The following GNAT2 variants were observed in gnomAD, a reference collection of about 807,000 sequenced individuals.
The protein encoded by GNAT2 is G protein subunit alpha transducin 2, also known as guanine nucleotide-binding protein G(t) subunit alpha-2.
GNAT2 carries 32 observed loss-of-function variants against 40.9 expected under a neutral mutation model. The ratio of observed to expected loss-of-function variants is 0.78; its 90% confidence interval spans 0.59 to 1.05. The LOEUF is 1.05. Among genes scored for constraint, GNAT2 ranks in the 50% least tolerant of loss-of-function variants. GNAT2 has a pLI of 0.00. For missense variants in GNAT2, 355 were observed against 431.5 expected, an observed-to-expected ratio of 0.82 and a Z score of 1.57; for synonymous variants, 141 against 157.2, an observed-to-expected ratio of 0.90 and a Z score of 0.77.
chr1:109,604,396 C>A (rs912071387), intron 7 of GNAT2: 4 of 421,984 alleles, frequency 9.5e-6, no homozygotes, highest in Non-Finnish European at 1.8e-5. Flanking sequence ...GTATATTGTC[C>A]ATGATAGTGG....
In GNAT2 at chr1:109,606,803, T is replaced by A. The variant is rs1215698996; in HGVS notation, c.462-367A>T. 4 of 301,232 alleles carry A rather than the reference T, an allele frequency of 1.3e-5. No individual in the cohort carries two copies. The Admixed American group carries it at 1.4e-4, about 11-fold the overall frequency. 18.7% of individuals were successfully genotyped at this position (301,232 alleles called of 1,614,324 possible). Reference sequence around the variant, plus strand: ...AAGAGACTTTAAAGACATGAACCAATGCAACACATGGACTTTGTTTATATC... The same window carrying A: ...AAGAGACTTTAAAGACATGAACCAAAGCAACACATGGACTTTGTTTATATC... On this transcript the variant is annotated intron_variant, in intron 5 of 8. Coordinates refer to ENST00000679935, the MANE Select transcript of GNAT2 (RefSeq NM_001377295.2).
intron 2 of GNAT2, 169 bp downstream of exon 2, chr1:109,612,584 C>T: frequency 1.5e-6 from 1 of 676,986 alleles, no homozygotes. Flanking sequence ...TGTTTAGGCC[C>T]CATATTAACT....
At chr1:109,612,507 C>CCTCAAGAG (rs2101130362) in intron 2 of GNAT2, 1 of 507,578 alleles carries the variant, frequency 2.0e-6, no homozygotes, top group African/African-American at 1.9e-5. Flanking sequence ...GGCCCTTGCA[C>CCTCAAGAG]TATTCCTCGC....
chr1:109,618,480 T>G (rs1650020419), intron 1 of GNAT2, among the ~76,000 whole-genome samples: 1 of 152,240 alleles, frequency 6.6e-6, no homozygotes, highest in African/African-American at 2.4e-5. Context: ...GAAAAACAAC[T>G]TCCAGAAAGT....
intron 2 of GNAT2, chr1:109,612,370 C>T: frequency 3.0e-6 from 1 of 330,900 alleles, no homozygotes; most frequent in Non-Finnish European, 5.9e-6. Context: ...GAGGGAAGGT[C>T]CTGTTCTCTT....
chr1:109,610,259 A>G, intron 3 of GNAT2, 78 bp from the exon 4 acceptor site: 1 of 1,474,788 alleles, frequency 6.8e-7, no homozygotes, highest in Non-Finnish European at 9.5e-7. Flanking sequence ...GGGGTATTTA[A>G]AGGATCATAA....
intron 7 of GNAT2, chr1:109,604,435 CAGAT>C: frequency 3.1e-6 from 1 of 320,326 alleles, no homozygotes; most frequent in Non-Finnish European, 6.0e-6. Context: ...ATGTGTTATG[CAGAT>C]CTTTAGCAGC....
At chr1:109,609,005 T>C in intron 4 of GNAT2, 1 of 592,938 alleles carries the variant, frequency 1.7e-6, no homozygotes, top group South Asian at 1.9e-5. Context: ...CTGGGGTGTG[T>C]CTAAAGCGGG....
chr1:109,608,478 C>G, intron 5 of GNAT2, 153 bp downstream of exon 5: 1 of 748,970 alleles, frequency 1.3e-6, no homozygotes, highest in Non-Finnish European at 2.4e-6. Flanking sequence ...ATTGCTGAAG[C>G]CTAACAAAAC....
In GNAT2 at chr1:109,612,815, A is replaced by G. The variant is rs1439939686; in HGVS notation, c.56T>C (p.Leu19Pro). Reference sequence around the variant, plus strand: ...AGCATCCTCCTGCAGCTTCTTTTCTAGCTCCTTGGACCTCTTGGCCAGTTC... The same window carrying G: ...AGCATCCTCCTGCAGCTTCTTTTCTGGCTCCTTGGACCTCTTGGCCAGTTC... Reference protein sequence around the residue: ...DKELAKRSKELEKKLQEDADK... With the variant: ...DKELAKRSKEPEKKLQEDADK... The change falls in exon 2 of 9, where the codon CTA becomes CCA. Residue 19 changes from leucine (L) to proline (P), a missense_variant. By Grantham distance (98) the Leu-to-Pro change is moderately conservative. Coordinates refer to ENST00000679935, the MANE Select transcript of GNAT2 (RefSeq NM_001377295.2). The G allele has an allele frequency of 1.2e-6, 2 of 1,613,574 alleles. No homozygotes were observed. Among genetic ancestry groups the G allele is most frequent in the Non-Finnish European group, 1.7e-6 (2 of 1,179,620 alleles).
At chr1:109,613,586 C>T (rs1430391176) in intron 1 of GNAT2, 1 of 153,402 alleles carries the variant, frequency 6.5e-6, no homozygotes, top group South Asian at 2.0e-4. Flanking sequence ...TCATATTGTA[C>T]GTCGTTTTAC....
rs1320157405 is a variant in GNAT2 at position 109,610,446 on chromosome 1, G to A, written c.161+19C>T. Reference sequence around the variant, plus strand: ...CTTCTTCACCCTATCTTGTCTTTTGGGGCTTTGTTTCTACTCACTTCATCT... The same window carrying A: ...CTTCTTCACCCTATCTTGTCTTTTGAGGCTTTGTTTCTACTCACTTCATCT... On this transcript the variant is annotated intron_variant, in intron 3 of 8. Transcript: ENST00000679935. The A allele has an allele frequency of 3.7e-6, 6 of 1,611,240 alleles. No individual in the cohort carries two copies.
chr1:109,610,575 G>A (rs1323914103), intron 2 of GNAT2, 68 bp from the exon 3 acceptor site: 1 of 1,366,790 alleles, frequency 7.3e-7, no homozygotes, highest in Non-Finnish European at 1.0e-6. Context: ...AGATGGCCTG[G>A]GAGAAGTCAG....
chr1:109,604,103 T>G lies in GNAT2; in HGVS notation c.722A>C (p.Asn241Thr). 1 of 1,608,554 alleles carries G rather than the reference T, an allele frequency of 6.2e-7. No individual in the cohort carries two copies. Among genetic ancestry groups the G allele is most frequent in the Non-Finnish European group, 8.5e-7 (1 of 1,175,358 alleles). The change falls in exon 8 of 9, where the codon AAT (asparagine) becomes ACT (threonine). Residue 241 changes from asparagine (N) to threonine (T), a missense_variant and splice_region_variant. By Grantham distance (65) the Asn-to-Thr change is moderately conservative. Transcript: ENST00000679935. ...DMVLVEDDEVNRMHESLHLFN... is the reference protein window; with the variant it reads ...DMVLVEDDEVTRMHESLHLFN... The stretch of plus-strand genomic sequence containing the variant: ...CAGATGCAAAGACTCATGCATACGA[T>G]TCTAGTAAGAGGAAACACCATTGGA...
chr1:109,618,664 G>A (rs1029825903), intron 1 of GNAT2, among the ~76,000 whole-genome samples: 4 of 152,116 alleles, frequency 2.6e-5, no homozygotes, highest in South Asian at 2.1e-4. Context: ...CTGCATTAGC[G>A]TTTATTTTTT....
At chr1:109,606,495 A>C in intron 5 of GNAT2, 59 bp from the exon 6 acceptor site, 1 of 1,432,394 alleles carries the variant, frequency 7.0e-7, no homozygotes, top group Admixed American at 1.7e-5. Flanking sequence ...TAAGAGACGT[A>C]AAAGGTATCT....
chr1:109,605,776 C>G, intron 7 of GNAT2, 194 bp downstream of exon 7: 1 of 564,824 alleles, frequency 1.8e-6, no homozygotes. Flanking sequence ...AAATTTGGAG[C>G]TCTAAAATGC....
chr1:109,606,588 C>A, intron 5 of GNAT2, 152 bp from the exon 6 acceptor site: 1 of 678,926 alleles, frequency 1.5e-6, no homozygotes, highest in South Asian at 1.6e-5. Flanking sequence ...TTCCTTCAAA[C>A]CTTCATATGT....
intron 5 of GNAT2, chr1:109,606,805 C>G (rs1452606265): frequency 1.7e-5 from 5 of 299,028 alleles, no homozygotes; most frequent in Non-Finnish European, 2.6e-5. Context: ...TGAACCAATG[C>G]AACACATGGA....
Sources: gnomAD v4.1 joint callset for allele counts (sites outside exome capture counted in the v4.1 genomes callset) on GRCh38, gnomAD v4.1.1 for gene constraint, MANE v1.5 for transcripts, NCBI Gene and HGNC (gene_info 2026-07-23, HGNC 2026-07-21) for gene names.